Variants in FHL1 observed in about 807,000 individuals in gnomAD.
FHL1 encodes the protein four and a half LIM domains 1.
In FHL1, 1 loss-of-function variant was observed where a neutral mutation model predicts 20.3. That is an observed-to-expected ratio of 0.05 (90% CI 0.02 to 0.23). The LOEUF is 0.23. Among genes scored for constraint, FHL1 ranks in the 10% least tolerant of loss-of-function variants. The pLI is 1.00. For synonymous variants in FHL1, 82 were observed against 88.9 expected (o/e 0.92, Z 0.44); for missense variants, 177 against 234.0 (o/e 0.76, Z 1.59).
At chrX:136,176,950 TAC>T (rs2073017260) in intron 2 of FHL1, among the ~76,000 whole-genome samples, 2 of 105,991 alleles carry the variant, frequency 1.9e-5, no homozygotes, top group African/African-American at 6.8e-5. Flanking sequence ...CTTTGATTCT[TAC>T]ACAGTCTTCA....
intron 2 of FHL1, among the ~76,000 whole-genome samples, chrX:136,188,347 G>C (rs2073358064): frequency 9.0e-6 from 1 of 111,336 alleles, no homozygotes; most frequent in African/African-American, 3.3e-5. Flanking sequence ...GAATCTTTTG[G>C]ACCAGTGTGC....
intron 1 of FHL1, among the ~76,000 whole-genome samples, chrX:136,152,609 C>G (rs2072294656): frequency 9.3e-6 from 1 of 107,434 alleles, no homozygotes; most frequent in African/African-American, 3.4e-5. Context: ...ATCCCAGCTA[C>G]TCGGGAGGCT....
chrX:136,162,122 C>CACAAAAAA (rs1556632407), intron 1 of FHL1, among the ~76,000 whole-genome samples: 1 of 48,944 alleles, frequency 2.0e-5, no homozygotes, highest in African/African-American at 8.7e-5. Flanking sequence ...GACCCTGTCT[C>CACAAAAAA]AAAAAAAAAA....
At chrX:136,182,048 A>T (rs1284382493) in intron 2 of FHL1, among the ~76,000 whole-genome samples, 1 of 112,399 alleles carries the variant, frequency 8.9e-6, no homozygotes, top group Non-Finnish European at 1.9e-5. Flanking sequence ...GAAAAAATTT[A>T]GGAGCCTTAT....
At chrX:136,156,547 G>A (rs913559282) in intron 1 of FHL1, among the ~76,000 whole-genome samples, 1 of 111,558 alleles carries the variant, frequency 9.0e-6, no homozygotes, top group Non-Finnish European at 1.9e-5. Flanking sequence ...CTCCCAAATT[G>A]CTGGGATTGC....
At chrX:136,152,796 G>A (rs1392118868) in intron 1 of FHL1, among the ~76,000 whole-genome samples, 5 of 110,711 alleles carry the variant, frequency 4.5e-5, no homozygotes, top group Non-Finnish European at 9.4e-5. Flanking sequence ...GTAGAGAATG[G>A]AGAGATGAAT....
chrX:136,207,254 C>T (rs1444422796), intron 3 of FHL1, 64 bp downstream of exon 3: 2 of 1,100,449 alleles, frequency 1.8e-6, no homozygotes, highest in Non-Finnish European at 2.5e-6. Context: ...GTGATGTGGG[C>T]TTGCTTATCA....
upstream of FHL1, among the ~76,000 whole-genome samples, chrX:136,166,287 T>C (rs976411756): frequency 1.2e-4 from 13 of 112,163 alleles, no homozygotes; most frequent in African/African-American, 4.2e-4. Context: ...TTCTGGGTGG[T>C]GAAACCATGA....
intron 2 of FHL1, 117 bp downstream of exon 2, chrX:136,206,705 G>GA: frequency 1.0e-6 from 1 of 977,269 alleles, no homozygotes; most frequent in Non-Finnish European, 1.4e-6. Context: ...CAGCCACCTT[G>GA]AGGCCTCAAG....
intron 2 of FHL1, among the ~76,000 whole-genome samples, chrX:136,177,097 G>A (rs911980136): frequency 9.1e-6 from 1 of 109,524 alleles, no homozygotes; most frequent in African/African-American, 3.3e-5. Flanking sequence ...GTATTATTTA[G>A]TTAATGTGAA....
chrX:136,162,929 G>A (rs1407119748), intron 1 of FHL1, among the ~76,000 whole-genome samples: 2 of 112,207 alleles, frequency 1.8e-5, no homozygotes, highest in Non-Finnish European at 3.8e-5. Flanking sequence ...CCAAGATCAA[G>A]GTGCAAACAG....
chrX:136,158,894 A>C (rs1009215953), intron 1 of FHL1, among the ~76,000 whole-genome samples: 1 of 111,540 alleles, frequency 9.0e-6, no homozygotes, highest in African/African-American at 3.3e-5. Context: ...ATGGGCCATA[A>C]AGATATTAAA....
In FHL1 at chrX:136,210,613, T is replaced by G; in HGVS notation, c.*588T>G. ...TTTGAACTTAGCTGTAATTCTAAAC[T>G]GACCTTTCCCCGTACTAACGTTTGG... is the stretch of plus-strand genomic sequence containing the variant. On this transcript the variant is annotated 3_prime_UTR_variant, in exon 6 of 6. Coordinates refer to ENST00000370683, the MANE Select transcript of FHL1 (RefSeq NM_001159699.2). 2.6e-6 allele frequency: 1 copy of G among 390,577 alleles called. No homozygotes were observed. Among genetic ancestry groups the G allele is most frequent in the Non-Finnish European group, 4.8e-6 (1 of 207,314 alleles). 32.2% of individuals were successfully genotyped at this position (390,577 alleles called of 1,213,427 possible).
chrX:136,196,328 TACA>T (rs2073554824), upstream of FHL1, among the ~76,000 whole-genome samples: 1 of 112,257 alleles, frequency 8.9e-6, no homozygotes, highest in Admixed American at 9.4e-5. Context: ...GTTGAGCTAT[TACA>T]ACATTTTAGG....
chrX:136,171,854 GT>G (rs950119756), intron 2 of FHL1, among the ~76,000 whole-genome samples: 1 of 103,146 alleles, frequency 9.7e-6, no homozygotes, highest in Non-Finnish European at 2.0e-5. Flanking sequence ...GCTAAATTCT[GT>G]TTTTTTTATT....
chrX:136,170,997 A>G (rs1014343981), intron 2 of FHL1, among the ~76,000 whole-genome samples: 2 of 111,923 alleles, frequency 1.8e-5, no homozygotes, highest in African/African-American at 6.5e-5. Context: ...ATCTTCAAAT[A>G]CCTAAATGTA....
intron 2 of FHL1, among the ~76,000 whole-genome samples, chrX:136,173,944 C>T (rs780946764): frequency 9.0e-6 from 1 of 111,389 alleles, no homozygotes; most frequent in South Asian, 3.8e-4. Context: ...GTGATCCGCC[C>T]ACTTCGGCCT....
chrX:136,198,325 T>A (rs145092226), intron 1 of FHL1, among the ~76,000 whole-genome samples: 1 of 111,865 alleles, frequency 8.9e-6, no homozygotes, highest in Non-Finnish European at 1.9e-5. Flanking sequence ...TCATTTTGTT[T>A]ACTAATTAAG....
intron 2 of FHL1, among the ~76,000 whole-genome samples, chrX:136,176,335 T>G (rs2073001605): frequency 8.9e-6 from 1 of 112,550 alleles, no homozygotes; most frequent in Non-Finnish European, 1.9e-5. Context: ...CAGCAGTCCC[T>G]CTCACCTTCA....
Sources: allele counts gnomAD v4.1 joint callset (sites outside exome capture counted in the v4.1 genomes callset), GRCh38; gene constraint gnomAD v4.1.1; transcripts MANE v1.5; gene names NCBI Gene and HGNC (gene_info 2026-07-23, HGNC 2026-07-21).